MRTFA: variants seen among roughly 807,000 people sequenced by gnomAD.
The protein encoded by MRTFA is myocardin related transcription factor A, also known as myocardin-related transcription factor A.
A neutral mutation model predicts 83.5 loss-of-function variants in MRTFA; 20 were observed. That is an observed-to-expected ratio of 0.24 (90% CI 0.17 to 0.35). The LOEUF (loss-of-function observed/expected upper bound fraction) is 0.35. Among genes scored for constraint, MRTFA ranks in the 10% least tolerant of loss-of-function variants. The probability of loss-of-function intolerance (pLI) is 1.00; values close to 1 mark genes in which losing one functional copy is unlikely to be tolerated. For missense variants in MRTFA, 1,200 were observed against 1,224.7 expected (o/e 0.98, Z 0.30); for synonymous variants, 659 against 541.2 (o/e 1.22, Z -3.02).
intron 2 of MRTFA, among the ~76,000 whole-genome samples, chr22:40,590,022 G>GA (rs1189334273): frequency 0.026 from 2,465 of 93,914 alleles, 36 homozygotes; most frequent in African/African-American, 0.068. Context: ...ACTCCGTCTC[G>GA]AAAAAAAAAA....
At chr22:40,488,796 G>A (rs1201152122) in intron 3 of MRTFA, among the ~76,000 whole-genome samples, 6 of 151,734 alleles carry the variant, frequency 4.0e-5, no homozygotes, top group Admixed American at 2.6e-4. Context: ...TGGCGCCACT[G>A]CACTCCAGCC....
intron 14 of MRTFA, among the ~76,000 whole-genome samples, chr22:40,413,618 A>AT (rs750110403): frequency 1.3e-5 from 2 of 151,578 alleles, no homozygotes; most frequent in African/African-American, 2.4e-5. Context: ...AATTTTTTGT[A>AT]TTTTTTAGTA....
At chr22:40,511,116 G>A (rs2054660370) in intron 3 of MRTFA, among the ~76,000 whole-genome samples, 2 of 152,194 alleles carry the variant, frequency 1.3e-5, no homozygotes, top group Admixed American at 6.5e-5. Flanking sequence ...CAGATTGGAG[G>A]AGAGTTGAAC....
rs1462062843 is a variant in MRTFA, at chr22:40,420,935, G to C, written c.1093C>G (p.Gln365Glu). ...TGCAGCTGGAGGAAGAGCTGCTGCTGCTGCAGGATCTTGGCGTAGGATGAG... is the reference window on the plus strand; with the variant it reads ...TGCAGCTGGAGGAAGAGCTGCTGCTCCTGCAGGATCTTGGCGTAGGATGAG... Residue 365 changes from glutamine (Q) to glutamate (E), a missense_variant, in exon 10 of 15, where the codon CAG (glutamine) becomes GAG (glutamate). Transcript: ENST00000355630. 2 of 1,614,200 alleles carry C rather than the reference G, an allele frequency of 1.2e-6. No homozygotes were observed. The highest frequency in any genetic ancestry group is 1.7e-6 in the Non-Finnish European group (2 of 1,180,020).
chr22:40,470,619 A>AAAAAGG (rs1160395137), intron 3 of MRTFA, among the ~76,000 whole-genome samples: 1 of 152,064 alleles, frequency 6.6e-6, no homozygotes, highest in Admixed American at 6.6e-5. Context: ...GGTAAGTAGA[A>AAAAAGG]AAAAGGAAAT....
Position 40,428,245 on chromosome 22 carries a change from G to T in MRTFA, c.601+1361C>A, listed in dbSNP as rs561028331. On this transcript the variant is annotated intron_variant, in intron 7 of 14. Transcript: ENST00000355630. ...AGCATGGGAAGTGGGGCTAAGTCTT[G>T]TGGGACTGAGTCCTCAACCTGTGGG... Among the ~76,000 whole-genome samples, 137 of 152,308 alleles carry T rather than the reference G, an allele frequency of 9.0e-4. 1 individual carries two copies. The Middle Eastern group carries it at 0.02, about 23-fold the overall frequency.
rs1266995168 is a variant in MRTFA at position 40,631,651 on chromosome 22, CAT to C, written c.-84+4825_-84+4826del. Among the ~76,000 whole-genome samples, 3 of 152,200 alleles carry C rather than the reference CAT, an allele frequency of 2.0e-5. No homozygotes were observed. In the East Asian group the frequency reaches 5.8e-4, roughly 29 times the overall value. ...AAAATGACTCCACCTTCACCATACA[CAT>C]AGATTTCAAATATTTTTCCTTATGT... On this transcript the variant is annotated intron_variant, in intron 1 of 14. Coordinates refer to ENST00000355630, the MANE Select transcript of MRTFA (RefSeq NM_020831.6).
rs201694198 is a variant in MRTFA at position 40,538,985 on chromosome 22, C to CTTTTTTTTTTTTTTTTTTTTT, written c.241+13120_241+13121insAAAAAAAAAAAAAAAAAAAAA. ...GACATTATACTGCAGGATACACAGC[C>CTTTTTTTTTTTTTTTTTTTTT]TTTTGTTTTTTTTTTTTTTTTTTTT... On this transcript the variant is annotated intron_variant, in intron 3 of 14. Coordinates refer to ENST00000355630, the MANE Select transcript of MRTFA (RefSeq NM_020831.6). Among the ~76,000 whole-genome samples, 3 of 106,888 alleles carry CTTTTTTTTTTTTTTTTTTTTT rather than the reference C, an allele frequency of 2.8e-5. 1 individual carries two copies. Among genetic ancestry groups the CTTTTTTTTTTTTTTTTTTTTT allele is most frequent in the African/African-American group, 3.8e-5 (1 of 26,250 alleles). The allele number at this position is 106,888 out of a possible 152,430, so 70.1% of individuals were successfully genotyped here.
At chr22:40,581,034 C>G (rs2055939516) in intron 2 of MRTFA, among the ~76,000 whole-genome samples, 1 of 151,630 alleles carries the variant, frequency 6.6e-6, no homozygotes, top group African/African-American at 2.4e-5. Context: ...TCAGGCTGGT[C>G]TTGAACTCCT....
chr22:40,524,005 G>A (rs937292646), intron 3 of MRTFA, among the ~76,000 whole-genome samples: 21 of 152,152 alleles, frequency 1.4e-4, no homozygotes, highest in African/African-American at 4.8e-4. Context: ...AAATCAGAAA[G>A]ATACAGCATC....
At chr22:40,574,225 C>T (rs1395160095) in intron 2 of MRTFA, among the ~76,000 whole-genome samples, 1 of 152,182 alleles carries the variant, frequency 6.6e-6, no homozygotes, top group African/African-American at 2.4e-5. Context: ...AAAGCAGTAA[C>T]ATTTTAACAT....
intron 3 of MRTFA, among the ~76,000 whole-genome samples, chr22:40,536,436 G>C (rs1478247651): frequency 1.3e-5 from 2 of 149,290 alleles, no homozygotes; most frequent in African/African-American, 4.9e-5. Context: ...CTGGAGGAGC[G>C]GACGGGCCCC....
intron 2 of MRTFA, chr22:40,587,349 G>A (rs1047771207): frequency 3.3e-5 from 14 of 419,764 alleles, no homozygotes; most frequent in South Asian, 1.6e-4. Context: ...GGAATGTTTC[G>A]GAAGGCTTTG....
rs778913952 is a variant in MRTFA, at chr22:40,418,944, C to T, written c.1794G>A (p.Val598=). Residue 598 remains valine (V), a synonymous_variant, in exon 12 of 15, where the codon GTG becomes GTA. Coordinates refer to ENST00000355630, the MANE Select transcript of MRTFA (RefSeq NM_020831.6). ...ACCCGGCCCGGGGGCCCTCCTCCTT[C>T]ACGAGGATCTGCAGTGGCGAGGCCT... 30 of 1,612,888 alleles carry T rather than the reference C, an allele frequency of 1.9e-5. No homozygotes were observed. The highest frequency in any genetic ancestry group is 2.5e-5 in the Non-Finnish European group (30 of 1,179,950).
At position 40,419,338 on chromosome 22, in the gene MRTFA, G is replaced by A. The variant is rs759778172; in HGVS notation, c.1400C>T (p.Ser467Leu). ...CTCAATCAGCTCAGTTTTGGTGCCC[G>A]AGACAGGCAGTGATCGCAACTTCAG... Residue 467 changes from serine (S) to leucine (L), a missense_variant, in exon 12 of 15, where the codon TCG (serine) becomes TTG (leucine). By Grantham distance (145) the Ser-to-Leu change is moderately radical. Transcript: ENST00000355630. 15 of 1,613,962 alleles carry A rather than the reference G, an allele frequency of 9.3e-6. No homozygotes were observed. Among genetic ancestry groups the A allele is most frequent in the Non-Finnish European group, 1.3e-5 (15 of 1,180,004 alleles).
At chr22:40,542,033 C>T (rs557823138) in intron 3 of MRTFA, among the ~76,000 whole-genome samples, 1 of 147,466 alleles carries the variant, frequency 6.8e-6, no homozygotes, top group Admixed American at 6.7e-5. Flanking sequence ...GACAGGGTCT[C>T]ACTCTGTTGC....
chr22:40,499,840 C>T (rs1031355529), intron 3 of MRTFA, among the ~76,000 whole-genome samples: 5 of 151,458 alleles, frequency 3.3e-5, no homozygotes, highest in Non-Finnish European at 5.9e-5. Context: ...TGTATTAAAA[C>T]CAGGTGTGAC....
chr22:40,606,172 G>GA (rs971450805), intron 1 of MRTFA, among the ~76,000 whole-genome samples: 74 of 143,168 alleles, frequency 5.2e-4, no homozygotes, highest in South Asian at 9.1e-4. Context: ...AATTCTCTCT[G>GA]AAAAAAAAAA....
rs41276309 is a variant in MRTFA at position 40,411,167 on chromosome 22, G to A, written c.*223C>T. ...CTGACCGTGTGTCCAAAACCCCAGC[G>A]TGAGAGCCAGGGCTGCTTCTTGACA... On this transcript the variant is annotated 3_prime_UTR_variant, in exon 15 of 15. Transcript: ENST00000355630. 0.031 allele frequency: 13,537 copies of A among 435,680 alleles called. 309 individuals carry two copies. Among genetic ancestry groups the A allele is most frequent in the Non-Finnish European group, 0.038 (9,642 of 250,982 alleles). The allele number at this position is 435,680 out of a possible 1,614,324, so 27.0% of individuals were successfully genotyped here. A position where few individuals can be genotyped will look rare whatever the true frequency, so the allele number is the denominator to read the frequency against.
Sources: gnomAD v4.1 joint callset for allele counts (sites outside exome capture counted in the v4.1 genomes callset) on GRCh38, gnomAD v4.1.1 for gene constraint, MANE v1.5 for transcripts, NCBI Gene and HGNC (gene_info 2026-07-23, HGNC 2026-07-21) for gene names.